PDE1B: variants seen among roughly 807,000 people sequenced by gnomAD.
PDE1B encodes phosphodiesterase 1B.
A neutral mutation model predicts 66.7 loss-of-function variants in PDE1B; 13 were observed. The ratio of observed to expected loss-of-function variants is 0.19; its 90% confidence interval spans 0.13 to 0.31. The LOEUF is 0.31. Ranked by LOEUF, PDE1B falls within the 10% of genes least tolerant of loss-of-function variation. PDE1B has a pLI of 1.00. For missense variants in PDE1B, 485 were observed against 682.3 expected (o/e 0.71, Z 3.22); for synonymous variants, 230 against 253.9 (o/e 0.91, Z 0.90).
chr12:54,574,024 T>C (rs1050909392), intron 10 of PDE1B: 9 of 342,944 alleles, frequency 2.6e-5, no homozygotes, highest in Non-Finnish European at 4.9e-5. Flanking sequence ...TCTGGAATGT[T>C]GGAAAATTCA....
rs535493265 is a variant in PDE1B at position 54,578,139 on chromosome 12, C to CG, written c.*301dup. On this transcript the variant is annotated 3_prime_UTR_variant, in exon 16 of 16. Transcript: ENST00000243052. The stretch of plus-strand genomic sequence containing the variant: ...TCATGGCCAGGTGGCTGCCAGGGAG[C>CG]GGGGAGCTTCCTGGAGGCTTCCCAG... 2.0e-5 allele frequency: 3 copies of CG among 152,358 alleles called. No homozygotes were observed. The South Asian group carries it at 6.2e-4, about 32-fold the overall frequency. 9.4% of individuals were successfully genotyped at this position (152,358 alleles called of 1,614,324 possible).
intron 2 of PDE1B, among the ~76,000 whole-genome samples, chr12:54,559,419 T>C (rs1177162840): frequency 6.6e-6 from 1 of 152,132 alleles, no homozygotes; most frequent in Admixed American, 6.6e-5. Context: ...GGACCCTTTG[T>C]TGAGGTCATC....
At chr12:54,562,912 G>C (rs962934431) in intron 2 of PDE1B, among the ~76,000 whole-genome samples, 2 of 152,190 alleles carry the variant, frequency 1.3e-5, no homozygotes, top group African/African-American at 4.8e-5. Flanking sequence ...CTATACAAGA[G>C]CTCCTGGACA....
intron 2 of PDE1B, among the ~76,000 whole-genome samples, chr12:54,564,751 A>G (rs561849017): frequency 7.9e-5 from 12 of 152,358 alleles, no homozygotes; most frequent in African/African-American, 2.4e-4. Flanking sequence ...ACATGGATCC[A>G]AGGTGATTCT....
chr12:54,573,523 ACCACAAACTCCATTTT>A lies in PDE1B; in HGVS notation c.962+48_962+63del. The A allele has an allele frequency of 6.2e-7, 1 of 1,613,652 alleles. No homozygotes were observed. The highest frequency in any genetic ancestry group is 1.6e-4 in the Middle Eastern group (1 of 6,062). ...CTTGGCATCCCTAAGAGACTCCCTT[ACCACAAACTCCATTTT>A]CCACTTCCTGGACCTCCTGCCCAGC... is the stretch of plus-strand genomic sequence containing the variant. On this transcript the variant is annotated intron_variant, in intron 9 of 15. Coordinates refer to ENST00000243052, the MANE Select transcript of PDE1B (RefSeq NM_000924.4). This position sits in a 1 kb window ranked among gnomAD's most constrained non-coding sequence, Gnocchi z 5.2.
At chr12:54,570,561 G>A (rs769144727) in intron 6 of PDE1B, 29 of 554,416 alleles carry the variant, frequency 5.2e-5, no homozygotes, top group Non-Finnish European at 7.8e-5. Context: ...ATTTCTAGGG[G>A]GAGATTCTCG....
Position 54,576,546 on chromosome 12 carries a change from C to T in PDE1B, c.1377-25C>T, listed in dbSNP as rs374149598. 71 of 1,613,618 alleles carry T rather than the reference C, an allele frequency of 4.4e-5. 1 individual carries two copies. The highest frequency in any genetic ancestry group is 3.6e-4 in the South Asian group (33 of 91,062). On this transcript the variant is annotated intron_variant, in intron 13 of 15. Transcript: ENST00000243052. Reference sequence around the variant, plus strand: ...GGAGTGGGCTGGGGCTTACCTCTTGCGGCTTTTGGGGGTTCTGCTTCTAGC... The same window carrying T: ...GGAGTGGGCTGGGGCTTACCTCTTGTGGCTTTTGGGGGTTCTGCTTCTAGC...
intron 2 of PDE1B, among the ~76,000 whole-genome samples, chr12:54,556,654 T>C (rs569480540): frequency 8.9e-4 from 135 of 152,206 alleles, no homozygotes; most frequent in African/African-American, 3.1e-3. Context: ...AGGTTGTTTT[T>C]GGGGTAAGGC....
At chr12:54,554,686 A>C (rs1957322144) in intron 2 of PDE1B, among the ~76,000 whole-genome samples, 1 of 152,144 alleles carries the variant, frequency 6.6e-6, no homozygotes, top group African/African-American at 2.4e-5. Context: ...GGAAGCAGGG[A>C]GGCAGAGTGG....
intron 2 of PDE1B, among the ~76,000 whole-genome samples, chr12:54,559,223 T>C (rs1957375289): frequency 1.4e-5 from 2 of 143,270 alleles, no homozygotes; most frequent in African/African-American, 2.6e-5. Context: ...CCCACCCCTT[T>C]ACCCCCACCC....
Position 54,575,938 on chromosome 12 carries a change from C to A in PDE1B, c.1268-54C>A. The A allele has an allele frequency of 7.8e-7, 1 of 1,284,830 alleles. No individual in the cohort carries two copies. The highest frequency in any genetic ancestry group is 1.1e-6 in the Non-Finnish European group (1 of 880,678). The allele number at this position is 1,284,830 out of a possible 1,614,324, so 79.6% of individuals were successfully genotyped here. A position where few individuals can be genotyped will look rare whatever the true frequency, so the allele number is the denominator to read the frequency against. On this transcript the variant is annotated intron_variant, in intron 12 of 15. Transcript: ENST00000243052. The surrounding 1 kb of genome is among the most constrained non-coding windows in gnomAD (Gnocchi z 4.0). ...TGGCCATGCCAGCTGCATGCTCTGC[C>A]TAGCCCTCCAGATAATAGTAAGACA... is the stretch of plus-strand genomic sequence containing the variant.
chr12:54,549,607 C>A lies in PDE1B; in HGVS notation c.-179C>A. 2.8e-6 allele frequency: 1 copy of A among 351,596 alleles called. No homozygotes were observed. The highest frequency in any genetic ancestry group is 5.2e-6 in the Non-Finnish European group (1 of 192,566). The allele number at this position is 351,596 out of a possible 1,614,324, so 21.8% of individuals were successfully genotyped here. On this transcript the variant is annotated 5_prime_UTR_variant, in exon 1 of 16. Coordinates refer to ENST00000243052, the MANE Select transcript of PDE1B (RefSeq NM_000924.4). ...GCGAGGAGGCGGCTCTGGCAGCGCG[C>A]GGCGGCGGCGGCGGTAGCGGCAGCA... is the stretch of plus-strand genomic sequence containing the variant.
rs1347479341 is a variant in PDE1B at position 54,575,514 on chromosome 12, A to T, written c.1186-37A>T. 10 of 1,470,690 alleles carry T rather than the reference A, an allele frequency of 6.8e-6. No individual in the cohort carries two copies. The highest frequency in any genetic ancestry group is 8.6e-6 in the Non-Finnish European group (9 of 1,049,826). 91.1% of individuals were successfully genotyped at this position (1,470,690 alleles called of 1,614,324 possible). A position where few individuals can be genotyped will look rare whatever the true frequency, so the allele number is the denominator to read the frequency against. On this transcript the variant is annotated intron_variant, in intron 11 of 15. Transcript: ENST00000243052. The surrounding 1 kb of genome is among the most constrained non-coding windows in gnomAD (Gnocchi z 4.0). The stretch of plus-strand genomic sequence containing the variant: ...ACCCCAGATCTGGTAGGTCTGAGGT[A>T]TCCTCTCCAGCTTTCCTACCCTGTT...
chr12:54,549,952 C>G lies in PDE1B; in HGVS notation c.80C>G (p.Pro27Arg). The change falls in exon 2 of 16, where the codon CCC (proline) becomes CGC (arginine). Residue 27 changes from proline (P) to arginine (R), a missense_variant. Coordinates refer to ENST00000243052, the MANE Select transcript of PDE1B (RefSeq NM_000924.4). ...TCACCCCTGGAGCTGAAGTCAGCCC[C>G]CAGCAAGAAGATGTGGATTAAGCTT... The part of the protein sequence containing the change: ...CPSPLELKSA[P>R]SKKMWIKLRS... 6.2e-7 allele frequency: 1 copy of G among 1,614,132 alleles called. No individual in the cohort carries two copies. The highest frequency in any genetic ancestry group is 8.5e-7 in the Non-Finnish European group (1 of 1,180,000).
chr12:54,569,282 C>G lies in PDE1B; in HGVS notation c.326C>G (p.Ala109Gly). The change falls in exon 4 of 16, where the codon GCC (alanine) becomes GGC (glycine). Residue 109 changes from alanine to glycine, a missense_variant. Physicochemically the swap from Ala to Gly is moderately conservative, Grantham distance 60. Around this residue, in one of 4 missense-constraint regions of PDE1B, gnomAD observed 282 missense variants for 453.4 expected, o/e 0.62. Coordinates refer to ENST00000243052, the MANE Select transcript of PDE1B (RefSeq NM_000924.4). The surrounding 1 kb of genome is among the most constrained non-coding windows in gnomAD (Gnocchi z 4.4). ...CTGGCCTCCACCTTCACCCAGCAGGCCCGGGCCAAAGGCCGCCGAGCAGAG... is the reference window on the plus strand; with the variant it reads ...CTGGCCTCCACCTTCACCCAGCAGGGCCGGGCCAAAGGCCGCCGAGCAGAG... Reference protein sequence around the residue: ...DWLASTFTQQARAKGRRAEEK... With the variant: ...DWLASTFTQQGRAKGRRAEEK... 6.2e-7 allele frequency: 1 copy of G among 1,614,044 alleles called. No homozygotes were observed. The highest frequency in any genetic ancestry group is 8.5e-7 in the Non-Finnish European group (1 of 1,179,972).
chr12:54,553,130 T>G (rs536767176), intron 2 of PDE1B, among the ~76,000 whole-genome samples: 81 of 151,994 alleles, frequency 5.3e-4, no homozygotes, highest in African/African-American at 1.8e-3. Context: ...CATCAAGTGG[T>G]GTAGAGAGGC....
At chr12:54,550,216 G>T in intron 2 of PDE1B, 1 of 1,378,798 alleles carries the variant, frequency 7.3e-7, no homozygotes, top group Non-Finnish European at 9.4e-7. Flanking sequence ...GTAACGATGT[G>T]CCTGTGCCTG....
At chr12:54,577,418 C>A in intron 15 of PDE1B, 73 bp downstream of exon 15, 1 of 1,607,952 alleles carries the variant, frequency 6.2e-7, no homozygotes, top group Non-Finnish European at 8.5e-7. Context: ...CGTCTCTGGG[C>A]TCCAGTGGAT....
In PDE1B at chr12:54,573,323, G is replaced by A. The variant is rs1375879452; in HGVS notation, c.837-32G>A. 4 of 1,614,092 alleles carry A rather than the reference G, an allele frequency of 2.5e-6. No homozygotes were observed. Among genetic ancestry groups the A allele is most frequent in the East Asian group, 2.2e-5 (1 of 44,884 alleles). ...GAGGTTGCCGGAGTCCCTCCTTACA[G>A]GGGGTGGTCATGATGACCTTTGGCT... On this transcript the variant is annotated intron_variant, in intron 8 of 15. Coordinates refer to ENST00000243052, the MANE Select transcript of PDE1B (RefSeq NM_000924.4). The surrounding 1 kb of genome is among the most constrained non-coding windows in gnomAD (Gnocchi z 5.2).
Sources: allele counts gnomAD v4.1 joint callset (sites outside exome capture counted in the v4.1 genomes callset), GRCh38; gene constraint gnomAD v4.1.1; regional missense constraint gnomAD v4.1.1; non-coding constraint Gnocchi (gnomAD v3.1); transcripts MANE v1.5; gene names NCBI Gene and HGNC (gene_info 2026-07-23, HGNC 2026-07-21).